Variants in STXBP4 observed in about 807,000 individuals in gnomAD.
STXBP4 encodes the protein syntaxin binding protein 4.
A neutral mutation model predicts 76.1 loss-of-function variants in STXBP4; 55 were observed. That is an observed-to-expected ratio of 0.72 (90% CI 0.58 to 0.91). STXBP4 has a LOEUF of 0.91. Ranked by LOEUF, STXBP4 falls within the 40% of genes least tolerant of loss-of-function variation. The pLI is 0.00. For synonymous variants in STXBP4, 201 were observed against 220.2 expected, an observed-to-expected ratio of 0.91 and a Z score of 0.77; for missense variants, 618 against 636.9, an observed-to-expected ratio of 0.97 and a Z score of 0.32.
At chr17:54,984,533 C>T (rs2077598689) in intron 1 of STXBP4, among the ~76,000 whole-genome samples, 5 of 151,450 alleles carry the variant, frequency 3.3e-5, no homozygotes, top group Admixed American at 2.6e-4. Context: ...TTAGTAGAGA[C>T]GAGATTTCAC....
intron 16 of STXBP4, among the ~76,000 whole-genome samples, chr17:55,082,958 G>T (rs1464695524): frequency 2.0e-5 from 3 of 150,416 alleles, no homozygotes; most frequent in African/African-American, 7.5e-5. Context: ...GTAGTTGCAT[G>T]CAAGAAAGCA....
intron 11 of STXBP4, among the ~76,000 whole-genome samples, chr17:55,046,398 A>G (rs1325523360): frequency 2.0e-5 from 3 of 152,066 alleles, no homozygotes; most frequent in East Asian, 1.9e-4. Flanking sequence ...TTACCACTCA[A>G]TTTAATGTTC....
the STXBP4 span, among the ~76,000 whole-genome samples, chr17:55,182,092 T>G: frequency 2.6e-5 from 4 of 152,202 alleles, no homozygotes; most frequent in Non-Finnish European, 5.9e-5. Flanking sequence ...TCTTTTTTCT[T>G]AATTTTCATA....
chr17:54,995,136 G>A (rs2077779030), intron 4 of STXBP4, among the ~76,000 whole-genome samples: 1 of 152,156 alleles, frequency 6.6e-6, no homozygotes, highest in African/African-American at 2.4e-5. Context: ...AGTCCCCACT[G>A]TGGTGCCTGA....
intron 10 of STXBP4, among the ~76,000 whole-genome samples, chr17:55,037,611 A>G (rs1326269680): frequency 6.6e-6 from 1 of 152,112 alleles, no homozygotes. Context: ...ATGATTTCCA[A>G]TTTGTGGCTT....
At chr17:55,118,655 A>G (rs1042641598) in intron 16 of STXBP4, among the ~76,000 whole-genome samples, 8 of 151,904 alleles carry the variant, frequency 5.3e-5, no homozygotes, top group Non-Finnish European at 8.8e-5. Context: ...AAGTACATGT[A>G]GGGAAATAAA....
At chr17:55,146,590 G>A (rs897039988) in intron 17 of STXBP4, among the ~76,000 whole-genome samples, 1 of 152,164 alleles carries the variant, frequency 6.6e-6, no homozygotes, top group African/African-American at 2.4e-5. Flanking sequence ...GGTGGCTGGT[G>A]CCTGTAGTCC....
At chr17:55,110,669 C>G (rs1158316637) in intron 16 of STXBP4, among the ~76,000 whole-genome samples, 1 of 152,200 alleles carries the variant, frequency 6.6e-6, no homozygotes, top group East Asian at 1.9e-4. Context: ...AACTATTCAA[C>G]TCTGCCATTG....
chr17:54,994,987 C>T (rs1164466387), intron 4 of STXBP4, among the ~76,000 whole-genome samples: 1 of 152,034 alleles, frequency 6.6e-6, no homozygotes, highest in African/African-American at 2.4e-5. Flanking sequence ...AATCCCATTC[C>T]TTTCCTTTGT....
At chr17:54,981,244 G>C (rs748295262) in intron 1 of STXBP4, among the ~76,000 whole-genome samples, 1 of 151,808 alleles carries the variant, frequency 6.6e-6, no homozygotes, top group Non-Finnish European at 1.5e-5. Context: ...AGAATACTTT[G>C]AATTTAATGT....
intron 12 of STXBP4, among the ~76,000 whole-genome samples, chr17:55,056,701 C>CA (rs960323299): frequency 2.6e-5 from 4 of 152,134 alleles, no homozygotes; most frequent in African/African-American, 9.6e-5. Flanking sequence ...GAACCTGTCT[C>CA]AAAAACAAAC....
At position 55,159,917 on chromosome 17, in the gene STXBP4, T is replaced by A; in HGVS notation, c.*6T>A. The A allele has an allele frequency of 2.5e-6, 4 of 1,577,574 alleles. No homozygotes were observed. Among genetic ancestry groups the A allele is most frequent in the Non-Finnish European group, 3.5e-6 (4 of 1,147,138 alleles). ...TCCCCAACCAGAAAAGTTGATGGTT[T>A]TCCTTAGGAAGTGGAGCTACATGGA... is the stretch of plus-strand genomic sequence containing the variant. On this transcript the variant is annotated 3_prime_UTR_variant, in exon 18 of 18. Transcript: ENST00000376352.
At chr17:55,016,828 A>G (rs1681925942) in intron 8 of STXBP4, among the ~76,000 whole-genome samples, 1 of 152,208 alleles carries the variant, frequency 6.6e-6, no homozygotes, top group Non-Finnish European at 1.5e-5. Flanking sequence ...TGAGTTAGTA[A>G]GCTACCTTTT....
At chr17:55,058,525 G>T (rs1283166522) in intron 12 of STXBP4, among the ~76,000 whole-genome samples, 1 of 152,140 alleles carries the variant, frequency 6.6e-6, no homozygotes, top group African/African-American at 2.4e-5. Context: ...TACACTGCAA[G>T]TTTGATTTTT....
chr17:55,188,755 T>G, the STXBP4 span, among the ~76,000 whole-genome samples: 1 of 152,220 alleles, frequency 6.6e-6, no homozygotes, highest in East Asian at 1.9e-4. Flanking sequence ...AGCAACCATC[T>G]ATTAGAATGG....
chr17:55,182,777 C>T, the STXBP4 span, among the ~76,000 whole-genome samples: 1 of 150,696 alleles, frequency 6.6e-6, no homozygotes, highest in Middle Eastern at 3.5e-3. Flanking sequence ...AATAGAATTA[C>T]TCCTACAAAG....
intron 3 of STXBP4, among the ~76,000 whole-genome samples, chr17:54,986,840 G>A (rs2077633780): frequency 6.6e-6 from 1 of 152,084 alleles, no homozygotes; most frequent in Non-Finnish European, 1.5e-5. Flanking sequence ...GATTCAGTGG[G>A]TTGGTTGAGC....
At chr17:55,012,053 T>TCCA (rs1182263964) in intron 8 of STXBP4, among the ~76,000 whole-genome samples, 1 of 152,140 alleles carries the variant, frequency 6.6e-6, no homozygotes, top group African/African-American at 2.4e-5. Flanking sequence ...CATCAGGTGC[T>TCCA]CCATTTGAAG....
the STXBP4 span, among the ~76,000 whole-genome samples, chr17:55,206,880 A>C: frequency 5.9e-4 from 84 of 143,190 alleles, no homozygotes; most frequent in Middle Eastern, 0.011. Context: ...AAAAAAAAGG[A>C]GGTGTCAAAG....
Sources: allele counts gnomAD v4.1 joint callset (sites outside exome capture counted in the v4.1 genomes callset), GRCh38; gene constraint gnomAD v4.1.1; transcripts MANE v1.5; gene names NCBI Gene and HGNC (gene_info 2026-07-23, HGNC 2026-07-21).